Variants in NTM observed in about 807,000 individuals in gnomAD.
The protein encoded by NTM is neurotrimin.
Under a neutral mutation model 42.1 loss-of-function variants are expected in NTM, and 13 were observed. That is an observed-to-expected ratio of 0.31 (90% CI 0.20 to 0.49). The LOEUF is 0.49. Among genes scored for constraint, NTM ranks in the 20% least tolerant of loss-of-function variants. The pLI is 0.99. For missense variants in NTM, 373 were observed against 452.8 expected, an observed-to-expected ratio of 0.82 and a Z score of 1.60; for synonymous variants, 187 against 179.2, an observed-to-expected ratio of 1.04 and a Z score of -0.35.
chr11:131,826,113 A>C (rs1476038003), intron 1 of NTM, among the ~76,000 whole-genome samples: 10 of 152,300 alleles, frequency 6.6e-5, no homozygotes. Flanking sequence ...AGATGCCTAC[A>C]GGAGAATCAG....
intron 1 of NTM, among the ~76,000 whole-genome samples, chr11:131,494,859 G>C (rs750515078): frequency 6.6e-6 from 1 of 152,202 alleles, no homozygotes; most frequent in Non-Finnish European, 1.5e-5. Flanking sequence ...TCACCAGAAG[G>C]TGGGTGGAGG....
chr11:132,282,976 CTTTTTTTTTTTTT>C (rs142817071), intron 4 of NTM, among the ~76,000 whole-genome samples: 3 of 109,012 alleles, frequency 2.8e-5, no homozygotes, highest in Non-Finnish European at 3.6e-5. Context: ...TCCTTTATTC[CTTTTTTTTTTTTT>C]TTTTTTTTTT....
chr11:131,737,779 G>A (rs982716713), intron 1 of NTM, among the ~76,000 whole-genome samples: 1 of 152,028 alleles, frequency 6.6e-6, no homozygotes, highest in Admixed American at 6.6e-5. Flanking sequence ...GGATGGGGGT[G>A]GGTAGAAAAT....
chr11:131,382,576 T>C (rs1312695952), intron 1 of NTM, among the ~76,000 whole-genome samples: 1 of 152,152 alleles, frequency 6.6e-6, no homozygotes, highest in Non-Finnish European at 1.5e-5. Context: ...GGAACAAAAC[T>C]TTGCCCCTCC....
rs116104918 is a variant in NTM at position 132,194,493 on chromosome 11, A to G, written c.401-17529A>G. Among the ~76,000 whole-genome samples the G allele has an allele frequency of 5.2e-3, 793 of 152,312 alleles. 7 individuals are homozygous for G. The highest frequency in any genetic ancestry group is 0.018 in the African/African-American group (744 of 41,574). On this transcript the variant is annotated intron_variant, in intron 3 of 8. Coordinates refer to ENST00000683400, the MANE Select transcript of NTM (RefSeq NM_001352005.2). Reference sequence around the variant, plus strand: ...AAAATGATAAGAGACATATATGACAAACCTACAGTCAACATAATACTGAAC... The same window carrying G: ...AAAATGATAAGAGACATATATGACAGACCTACAGTCAACATAATACTGAAC...
intron 2 of NTM, among the ~76,000 whole-genome samples, chr11:132,041,432 G>C (rs2077188461): frequency 6.6e-6 from 1 of 150,708 alleles, no homozygotes; most frequent in African/African-American, 2.5e-5. Flanking sequence ...TGATAGCAAA[G>C]GACTTTTGTT....
rs541864948 is a variant in NTM, at chr11:132,077,750, A to G, written c.168-68532A>G. On this transcript the variant is annotated intron_variant, in intron 2 of 8. Transcript: ENST00000683400. ...ATAGAAGAACAAAGCATGAAAAATC[A>G]AACAAGCAACAAGAACAAACTTTAT... Among the ~76,000 whole-genome samples the G allele has an allele frequency of 2.0e-5, 3 of 152,316 alleles. No homozygotes were observed. The South Asian group carries it at 6.2e-4, about 32-fold the overall frequency.
chr11:131,543,569 G>A (rs2053554731), intron 1 of NTM, among the ~76,000 whole-genome samples: 1 of 152,202 alleles, frequency 6.6e-6, no homozygotes, highest in African/African-American at 2.4e-5. Flanking sequence ...GGTGATCAAA[G>A]ACCTTGGGGG....
chr11:132,148,356 T>C (rs1370622199), intron 3 of NTM, among the ~76,000 whole-genome samples: 2 of 152,108 alleles, frequency 1.3e-5, no homozygotes, highest in Non-Finnish European at 2.9e-5. Flanking sequence ...GAATCTCCAC[T>C]CTGTGGGCAG....
intron 2 of NTM, among the ~76,000 whole-genome samples, chr11:132,071,029 C>T (rs986772718): frequency 3.6e-5 from 5 of 140,394 alleles, no homozygotes; most frequent in African/African-American, 5.2e-5. Flanking sequence ...TTGGTTAACA[C>T]GTCACTCAGC....
At chr11:131,710,326 T>G (rs764044078) in intron 1 of NTM, among the ~76,000 whole-genome samples, 2 of 152,198 alleles carry the variant, frequency 1.3e-5, no homozygotes, top group Non-Finnish European at 2.9e-5. Flanking sequence ...GATATCTTGT[T>G]GTATGCAGTG....
intron 3 of NTM, among the ~76,000 whole-genome samples, chr11:132,200,158 G>A (rs2080931445): frequency 6.6e-6 from 1 of 152,172 alleles, no homozygotes. Flanking sequence ...GAGGGATTTA[G>A]TGGCAATAAG....
chr11:132,066,883 T>C (rs1383748281), intron 2 of NTM, among the ~76,000 whole-genome samples: 1 of 152,134 alleles, frequency 6.6e-6, no homozygotes, highest in Non-Finnish European at 1.5e-5. Context: ...CCCAACCTCC[T>C]CCACCAAACA....
chr11:131,614,381 G>GT (rs1224883042), intron 1 of NTM, among the ~76,000 whole-genome samples: 1 of 152,220 alleles, frequency 6.6e-6, no homozygotes, highest in African/African-American at 2.4e-5. Flanking sequence ...CTGCAGCTCT[G>GT]TTATTAGCAA....
intron 1 of NTM, among the ~76,000 whole-genome samples, chr11:131,760,243 G>A (rs911005071): frequency 1.3e-5 from 2 of 152,164 alleles, no homozygotes; most frequent in Admixed American, 6.5e-5. Context: ...CAGATGCAGG[G>A]TGATTCATGC....
chr11:132,300,477 C>G (rs1229828045), intron 4 of NTM, among the ~76,000 whole-genome samples: 1 of 152,196 alleles, frequency 6.6e-6, no homozygotes, highest in Non-Finnish European at 1.5e-5. Context: ...CTCATCACTG[C>G]CCCCACAGTG....
At chr11:131,803,781 C>G (rs1330754796) in intron 1 of NTM, among the ~76,000 whole-genome samples, 1 of 152,148 alleles carries the variant, frequency 6.6e-6, no homozygotes, top group East Asian at 1.9e-4. Flanking sequence ...GGCCTCTGCC[C>G]CTTGTGGGCT....
intron 1 of NTM, among the ~76,000 whole-genome samples, chr11:131,676,964 C>T (rs1040126960): frequency 6.6e-6 from 1 of 152,136 alleles, no homozygotes; most frequent in Non-Finnish European, 1.5e-5. Flanking sequence ...GTATCTGGAG[C>T]AGTGCTGTTG....
At chr11:131,960,866 C>T (rs1327080444) in intron 2 of NTM, among the ~76,000 whole-genome samples, 1 of 152,208 alleles carries the variant, frequency 6.6e-6, no homozygotes, top group Non-Finnish European at 1.5e-5. Context: ...CTGGAACTTT[C>T]ATCCTGAAGA....
Sources: gnomAD v4.1 joint callset for allele counts (sites outside exome capture counted in the v4.1 genomes callset) on GRCh38, gnomAD v4.1.1 for gene constraint, MANE v1.5 for transcripts, NCBI Gene and HGNC (gene_info 2026-07-23, HGNC 2026-07-21) for gene names.